The following PTPRK variants were observed in gnomAD, a reference collection of about 807,000 sequenced individuals.
PTPRK encodes the protein protein tyrosine phosphatase receptor type K, also known as receptor-type tyrosine-protein phosphatase kappa.
A neutral mutation model predicts 178.0 loss-of-function variants in PTPRK; 75 were observed. That is an observed-to-expected ratio of 0.42 (90% CI 0.35 to 0.51). The LOEUF (loss-of-function observed/expected upper bound fraction) is 0.51, where lower values mean the gene tolerates loss of function less well. Among genes scored for constraint, PTPRK ranks in the 20% least tolerant of loss-of-function variants. PTPRK has a pLI of 0.02. For synonymous variants in PTPRK, 637 were observed against 620.6 expected (o/e 1.03, Z -0.39); for missense variants, 1,441 against 1,797.8 (o/e 0.80, Z 3.59).
chr6:128,113,608 GAAA>G (rs1363649651), intron 7 of PTPRK, among the ~76,000 whole-genome samples: 1 of 152,050 alleles, frequency 6.6e-6, no homozygotes, highest in East Asian at 1.9e-4. Context: ...CAGGTTACAT[GAAA>G]ATATTACACC....
chr6:128,421,290 A>C (rs1035526240), intron 1 of PTPRK, among the ~76,000 whole-genome samples: 2 of 152,198 alleles, frequency 1.3e-5, no homozygotes, highest in South Asian at 4.1e-4. Context: ...TTGGGAGTTT[A>C]TGAGTTTGGA....
chr6:128,225,189 T>C (rs1811072330), intron 5 of PTPRK, among the ~76,000 whole-genome samples: 1 of 152,180 alleles, frequency 6.6e-6, no homozygotes, highest in Admixed American at 6.5e-5. Flanking sequence ...ATAATCAAAT[T>C]ACATTTATTT....
intron 13 of PTPRK, among the ~76,000 whole-genome samples, chr6:128,012,224 CTG>C (rs1320998380): frequency 6.6e-6 from 1 of 151,040 alleles, no homozygotes; most frequent in East Asian, 1.9e-4. Context: ...CTAAATATGT[CTG>C]TATATATTTA....
intron 22 of PTPRK, among the ~76,000 whole-genome samples, chr6:127,984,873 C>T (rs1775756946): frequency 6.6e-6 from 1 of 152,140 alleles, no homozygotes; most frequent in African/African-American, 2.4e-5. Context: ...TTTCAGGGTA[C>T]ATAGTATCTG....
chr6:128,398,727 T>A (rs1453031495), intron 1 of PTPRK, among the ~76,000 whole-genome samples: 1 of 152,210 alleles, frequency 6.6e-6, no homozygotes, highest in Non-Finnish European at 1.5e-5. Flanking sequence ...CAATTATGAT[T>A]TAAAAGGTTG....
At chr6:128,041,929 G>A (rs1165798321) in intron 13 of PTPRK, among the ~76,000 whole-genome samples, 1 of 151,676 alleles carries the variant, frequency 6.6e-6, no homozygotes, top group Non-Finnish European at 1.5e-5. Context: ...GTCTGGAAAG[G>A]CTACACCTTC....
intron 3 of PTPRK, among the ~76,000 whole-genome samples, chr6:128,262,636 T>C (rs1818339739): frequency 6.6e-6 from 1 of 152,084 alleles, no homozygotes. Flanking sequence ...CAAAACCAAC[T>C]AAACTCTCAG....
At chr6:128,147,128 A>ATAT (rs1269415289) in intron 7 of PTPRK, among the ~76,000 whole-genome samples, 1 of 152,168 alleles carries the variant, frequency 6.6e-6, no homozygotes, top group African/African-American at 2.4e-5. Context: ...TAAGTAGTAA[A>ATAT]TATTATTAGT....
chr6:128,483,421 ATAATT>A (rs1306593529), intron 1 of PTPRK, among the ~76,000 whole-genome samples: 2 of 152,144 alleles, frequency 1.3e-5, no homozygotes, highest in Admixed American at 1.3e-4. Context: ...TCTTATAAAA[ATAATT>A]TAATTCAAAA....
At chr6:128,244,745 T>C (rs1442010588) in intron 3 of PTPRK, among the ~76,000 whole-genome samples, 1 of 152,156 alleles carries the variant, frequency 6.6e-6, no homozygotes, top group African/African-American at 2.4e-5. Flanking sequence ...AAACCTCTAG[T>C]AGGAGGAGGT....
intron 1 of PTPRK, among the ~76,000 whole-genome samples, chr6:128,518,423 G>C (rs1353677431): frequency 6.6e-6 from 1 of 152,152 alleles, no homozygotes; most frequent in Non-Finnish European, 1.5e-5. Context: ...CATTTAAAAA[G>C]AGAAAAAGTT....
intron 2 of PTPRK, among the ~76,000 whole-genome samples, chr6:128,326,673 A>G (rs980580055): frequency 2.0e-5 from 3 of 152,214 alleles, no homozygotes; most frequent in African/African-American, 7.2e-5. Context: ...ATATTCACAT[A>G]TGCACACACA....
chr6:128,279,794 A>T (rs1334150301), intron 3 of PTPRK, among the ~76,000 whole-genome samples: 1 of 152,190 alleles, frequency 6.6e-6, no homozygotes. Flanking sequence ...TACTGAGTGG[A>T]AGAAAGTATT....
At chr6:128,409,541 A>C (rs1842061460) in intron 1 of PTPRK, among the ~76,000 whole-genome samples, 1 of 152,176 alleles carries the variant, frequency 6.6e-6, no homozygotes, top group African/African-American at 2.4e-5. Flanking sequence ...CAACATTTTT[A>C]CTCATAGCCT....
At chr6:127,995,225 TTATTTACATATAGTGG>T (rs779087881) in intron 18 of PTPRK, 1 of 1,583,002 alleles carries the variant, frequency 6.3e-7, no homozygotes, top group Non-Finnish European at 8.6e-7. Context: ...TAGGGTGCTG[TTATTTACATATAGTGG>T]TACTTACATC....
At chr6:128,296,087 T>C (rs78833914) in intron 3 of PTPRK, among the ~76,000 whole-genome samples, 3,778 of 152,128 alleles carry the variant, frequency 0.025, 72 homozygotes, top group Middle Eastern at 0.072. Flanking sequence ...AACAAGTTTC[T>C]AAAGTGACCT....
chr6:128,231,218 G>A (rs942339315), intron 5 of PTPRK, among the ~76,000 whole-genome samples: 1 of 152,124 alleles, frequency 6.6e-6, no homozygotes, highest in African/African-American at 2.4e-5. Flanking sequence ...ATAAAGCTAT[G>A]CAGAAAGAAG....
chr6:128,240,362 T>C (rs926969444), intron 4 of PTPRK, among the ~76,000 whole-genome samples: 4 of 152,158 alleles, frequency 2.6e-5, no homozygotes, highest in Admixed American at 2.6e-4. Context: ...CTCTATTACT[T>C]ACTGTTCCAT....
intron 3 of PTPRK, among the ~76,000 whole-genome samples, chr6:128,300,436 G>A (rs1385990559): frequency 5.3e-5 from 8 of 151,836 alleles, no homozygotes; most frequent in African/African-American, 1.2e-4. Context: ...TGTTTATTGC[G>A]GCATTATTCA....
Sources: allele counts gnomAD v4.1 joint callset (sites outside exome capture counted in the v4.1 genomes callset), GRCh38; gene constraint gnomAD v4.1.1; transcripts MANE v1.5; gene names NCBI Gene and HGNC (gene_info 2026-07-23, HGNC 2026-07-21).